ANK3: variants seen among roughly 807,000 people sequenced by gnomAD.
ANK3 encodes ankyrin-3.
ANK3 carries 57 observed loss-of-function variants against 370.9 expected under a neutral mutation model. The observed-to-expected ratio is 0.15, with a 90% CI of 0.12 to 0.19. The LOEUF is 0.19. ANK3 is among the 10% of genes least tolerant of loss of function. The pLI, the probability that ANK3 is intolerant of heterozygous loss-of-function variation, is 1.00. For missense variants in ANK3, 4,439 were observed against 5,302.1 expected, an observed-to-expected ratio of 0.84 and a Z score of 5.06; for synonymous variants, 1,929 against 1,946.3, an observed-to-expected ratio of 0.99 and a Z score of 0.23.
upstream of ANK3, among the ~76,000 whole-genome samples, chr10:60,390,816 T>C (rs1390411300): frequency 6.7e-6 from 1 of 149,344 alleles, no homozygotes; most frequent in Non-Finnish European, 1.5e-5. Context: ...AAAGATGTTC[T>C]GATGAAAATA....
At chr10:60,255,559 G>A (rs2097722291) in intron 7 of ANK3, among the ~76,000 whole-genome samples, 1 of 152,180 alleles carries the variant, frequency 6.6e-6, no homozygotes, top group Non-Finnish European at 1.5e-5. Context: ...GAGGCCTAAT[G>A]TGAGTGGAAG....
At chr10:60,174,824 C>G (rs530833146) in intron 18 of ANK3, among the ~76,000 whole-genome samples, 33 of 152,096 alleles carry the variant, frequency 2.2e-4, no homozygotes, top group African/African-American at 7.7e-4. Flanking sequence ...GCAGCCTCCC[C>G]TCCTGGGCTC....
At chr10:60,728,060 T>A (rs1249490963) in intron 1 of ANK3, among the ~76,000 whole-genome samples, 1 of 152,228 alleles carries the variant, frequency 6.6e-6, no homozygotes, top group East Asian at 1.9e-4. Flanking sequence ...TCTTGGTAAC[T>A]TGAAATCAGC....
rs1198263995 is a variant in ANK3 at position 60,435,628 on chromosome 10, G to A, written c.97-155989C>T. Among the ~76,000 whole-genome samples, 10 of 151,836 alleles carry A rather than the reference G, an allele frequency of 6.6e-5. No homozygotes were observed. The South Asian group carries it at 1.0e-3, about 16-fold the overall frequency. On this transcript the variant is annotated intron_variant, in intron 2 of 43. Coordinates refer to the ANK3 transcript ENST00000373827. ...TAACCAAAACAAAACAAAAACACAC[G>A]GACCCAAAAAACCTCATGCCCATTA...
chr10:60,488,119 T>C (rs1938530), intron 2 of ANK3, among the ~76,000 whole-genome samples: 111,417 of 152,070 alleles, frequency 0.73, 40,823 homozygotes, highest in South Asian at 0.87. Flanking sequence ...AAAAAAGAGG[T>C]GTACAGAGGG....
At chr10:60,522,232 A>C (rs544737919) in intron 2 of ANK3, among the ~76,000 whole-genome samples, 1 of 152,082 alleles carries the variant, frequency 6.6e-6, no homozygotes, top group East Asian at 1.9e-4. Flanking sequence ...CCGTTTAGCC[A>C]GGTGTTTCCA....
chr10:60,729,582 A>G (rs1202445968), intron 1 of ANK3, among the ~76,000 whole-genome samples: 1 of 152,186 alleles, frequency 6.6e-6, no homozygotes, highest in East Asian at 1.9e-4. Context: ...CCTTCTCTTA[A>G]CATCATCTGA....
chr10:60,315,545 G>A (rs1340266729), intron 1 of ANK3, among the ~76,000 whole-genome samples: 2 of 152,144 alleles, frequency 1.3e-5, no homozygotes, highest in African/African-American at 2.4e-5. Flanking sequence ...CAAAAGAGCT[G>A]TTAGAAATGA....
At chr10:60,312,437 A>G (rs1273276993) in intron 1 of ANK3, among the ~76,000 whole-genome samples, 1 of 152,232 alleles carries the variant, frequency 6.6e-6, no homozygotes, top group East Asian at 1.9e-4. Context: ...CTGATGATCC[A>G]GAGAGGTAGA....
At chr10:60,213,201 C>A (rs1338446368) in intron 9 of ANK3, among the ~76,000 whole-genome samples, 2 of 151,956 alleles carry the variant, frequency 1.3e-5, no homozygotes, top group African/African-American at 4.8e-5. Flanking sequence ...CAACAAAAAC[C>A]ACACACACAC....
At chr10:60,250,588 A>C (rs184809517) in intron 7 of ANK3, among the ~76,000 whole-genome samples, 1 of 152,088 alleles carries the variant, frequency 6.6e-6, no homozygotes, top group South Asian at 2.1e-4. Context: ...GATGGTCTCG[A>C]TCTCCTGACC....
intron 1 of ANK3, among the ~76,000 whole-genome samples, chr10:60,699,360 A>G (rs904969902): frequency 1.3e-5 from 2 of 152,148 alleles, no homozygotes; most frequent in African/African-American, 4.8e-5. Context: ...TCAAGTAATA[A>G]CTAATATTCA....
intron 1 of ANK3, among the ~76,000 whole-genome samples, chr10:60,281,088 C>G (rs1380869096): frequency 6.6e-6 from 1 of 152,090 alleles, no homozygotes; most frequent in Non-Finnish European, 1.5e-5. Context: ...AAATTCTACC[C>G]CTCAGAATGG....
chr10:60,151,774 C>T (rs527830846), intron 23 of ANK3, among the ~76,000 whole-genome samples: 2 of 152,272 alleles, frequency 1.3e-5, no homozygotes, highest in South Asian at 2.1e-4. Context: ...TTATGGGGCT[C>T]TTATCTAAAT....
intron 2 of ANK3, among the ~76,000 whole-genome samples, chr10:60,483,230 A>G (rs1316989026): frequency 2.0e-5 from 3 of 152,216 alleles, no homozygotes; most frequent in Non-Finnish European, 4.4e-5. Flanking sequence ...CAATCATCAT[A>G]AAACACCTGA....
chr10:60,224,644 C>CTT (rs1333143131), intron 8 of ANK3, among the ~76,000 whole-genome samples: 2 of 152,026 alleles, frequency 1.3e-5, no homozygotes, highest in Non-Finnish European at 1.5e-5. Context: ...TTAGGATACT[C>CTT]TTTCTTTTCT....
intron 43 of ANK3, among the ~76,000 whole-genome samples, chr10:60,040,736 T>C (rs2075940474): frequency 6.6e-6 from 1 of 152,214 alleles, no homozygotes; most frequent in African/African-American, 2.4e-5. Flanking sequence ...ATTAGGAATA[T>C]GTCATTGTAG....
chr10:60,443,858 T>C (rs2064365136), intron 2 of ANK3, among the ~76,000 whole-genome samples: 1 of 152,158 alleles, frequency 6.6e-6, no homozygotes, highest in Non-Finnish European at 1.5e-5. Context: ...CCTGATCCTC[T>C]GATAGGTGCC....
intron 1 of ANK3, among the ~76,000 whole-genome samples, chr10:60,353,923 C>T (rs1275479937): frequency 1.3e-5 from 2 of 152,220 alleles, no homozygotes; most frequent in East Asian, 1.9e-4. Flanking sequence ...GCATTGTTAT[C>T]AGCTCAGCCT....
Sources: allele counts gnomAD v4.1 joint callset (sites outside exome capture counted in the v4.1 genomes callset), GRCh38; gene constraint gnomAD v4.1.1; transcripts MANE v1.5; gene names NCBI Gene and HGNC (gene_info 2026-07-23, HGNC 2026-07-21).